The following TENM3 variants were observed in gnomAD, a reference collection of about 807,000 sequenced individuals.
The protein encoded by TENM3 is teneurin transmembrane protein 3.
Under a neutral mutation model 255.1 loss-of-function variants are expected in TENM3, and 63 were observed. The ratio of observed to expected loss-of-function variants is 0.25; its 90% confidence interval spans 0.20 to 0.30. The LOEUF is 0.30. TENM3 is among the 10% of genes least tolerant of loss of function. The probability of loss-of-function intolerance (pLI) is 1.00; values close to 1 mark genes in which losing one functional copy is unlikely to be tolerated. For synonymous variants in TENM3, 1,306 were observed against 1,322.3 expected (o/e 0.99, Z 0.27); for missense variants, 2,929 against 3,461.1 (o/e 0.85, Z 3.86).
intron 1 of TENM3, among the ~76,000 whole-genome samples, chr4:182,218,169 A>T (rs79444768): frequency 0.063 from 9,560 of 152,236 alleles, 403 homozygotes; most frequent in Non-Finnish European, 0.092. Context: ...CAGTCAAAAT[A>T]TACCTGACCC....
At chr4:181,886,048 G>GTTTTTT in the TENM3 span, among the ~76,000 whole-genome samples, 4 of 102,540 alleles carry the variant, frequency 3.9e-5, no homozygotes, top group African/African-American at 1.1e-4. Context: ...TTTTTCTTGG[G>GTTTTTT]TTTTTTTTTT....
chr4:182,314,325 C>A (rs1224765675), intron 1 of TENM3, among the ~76,000 whole-genome samples: 1 of 151,654 alleles, frequency 6.6e-6, no homozygotes, highest in Non-Finnish European at 1.5e-5. Context: ...AGGGCAGGGG[C>A]TACGTGTTGT....
chr4:182,074,351 A>C, the TENM3 span, among the ~76,000 whole-genome samples: 1 of 152,142 alleles, frequency 6.6e-6, no homozygotes. Context: ...GAGTGGCAAT[A>C]GATGAACTGT....
At chr4:181,601,262 T>C in the TENM3 span, among the ~76,000 whole-genome samples, 3 of 152,220 alleles carry the variant, frequency 2.0e-5, no homozygotes, top group African/African-American at 7.2e-5. Flanking sequence ...ACTCCATACC[T>C]CTCTTCTAGC....
the TENM3 span, among the ~76,000 whole-genome samples, chr4:181,817,507 G>A: frequency 1.3e-5 from 2 of 152,166 alleles, no homozygotes; most frequent in Non-Finnish European, 2.9e-5. Context: ...CACACCTAGA[G>A]ATGAAGACTC....
At chr4:181,887,473 T>G in the TENM3 span, among the ~76,000 whole-genome samples, 1 of 152,232 alleles carries the variant, frequency 6.6e-6, no homozygotes, top group East Asian at 1.9e-4. Context: ...GTTCTCTTTT[T>G]TTCCGTTTAG....
intron 3 of TENM3, among the ~76,000 whole-genome samples, chr4:182,368,234 C>T (rs1766560713): frequency 6.6e-6 from 1 of 152,172 alleles, no homozygotes. Flanking sequence ...CTCCTGAGAA[C>T]ACGAGCATCA....
intron 4 of TENM3, among the ~76,000 whole-genome samples, chr4:182,612,746 GACACAC>G (rs34378103): frequency 6.6e-6 from 1 of 150,742 alleles, no homozygotes; most frequent in African/African-American, 2.4e-5. Context: ...AATACACACA[GACACAC>G]ACACACACAC....
At chr4:181,825,228 C>T in the TENM3 span, among the ~76,000 whole-genome samples, 7 of 151,970 alleles carry the variant, frequency 4.6e-5, no homozygotes, top group African/African-American at 1.7e-4. Flanking sequence ...TGGTGAAACC[C>T]CATCTCTACT....
At chr4:182,075,594 C>G in the TENM3 span, among the ~76,000 whole-genome samples, 1 of 152,202 alleles carries the variant, frequency 6.6e-6, no homozygotes, top group African/African-American at 2.4e-5. Context: ...CTTCTGTCTT[C>G]TTCAAGAGAT....
the TENM3 span, among the ~76,000 whole-genome samples, chr4:181,721,505 C>A: frequency 3.0e-5 from 3 of 101,400 alleles, no homozygotes; most frequent in Non-Finnish European, 3.8e-5. Context: ...GAGGCTGAGG[C>A]AGGAGAATGG....
At chr4:182,341,606 A>G (rs1284785216) in intron 2 of TENM3, among the ~76,000 whole-genome samples, 11 of 152,190 alleles carry the variant, frequency 7.2e-5, no homozygotes, top group Non-Finnish European at 1.5e-4. Context: ...TCTGGCCAAC[A>G]TTTGGGTTAT....
At chr4:181,584,787 A>T in the TENM3 span, among the ~76,000 whole-genome samples, 3 of 152,170 alleles carry the variant, frequency 2.0e-5, no homozygotes, top group Non-Finnish European at 4.4e-5. Context: ...ATTAGTAACA[A>T]TAGCAACATG....
chr4:182,457,811 C>A (rs1168043603), intron 3 of TENM3, among the ~76,000 whole-genome samples: 1 of 152,206 alleles, frequency 6.6e-6, no homozygotes, highest in African/African-American at 2.4e-5. Flanking sequence ...AGTCCTCCTG[C>A]CTCGGCCTCC....
the TENM3 span, among the ~76,000 whole-genome samples, chr4:181,471,878 T>G: frequency 6.6e-6 from 1 of 152,154 alleles, no homozygotes; most frequent in East Asian, 1.9e-4. Flanking sequence ...TGTATTTTTA[T>G]GGACAGTCAT....
chr4:181,479,823 G>A, the TENM3 span, among the ~76,000 whole-genome samples: 2 of 152,074 alleles, frequency 1.3e-5, no homozygotes, highest in African/African-American at 4.8e-5. Flanking sequence ...GCTATCATGT[G>A]AGAATAATTA....
intron 24 of TENM3, among the ~76,000 whole-genome samples, chr4:182,784,509 TTGTC>T (rs1275892075): frequency 6.6e-6 from 1 of 151,586 alleles, no homozygotes; most frequent in African/African-American, 2.4e-5. Flanking sequence ...GTCTTTTTGT[TTGTC>T]TGTGCCCTGC....
chr4:182,680,173 G>C (rs1756031312), intron 8 of TENM3, 75 bp from the exon 9 acceptor site: 2 of 1,056,030 alleles, frequency 1.9e-6, no homozygotes, highest in Non-Finnish European at 2.9e-6. Context: ...CATAAATGAA[G>C]ATCAAAGTGA....
chr4:182,558,177 C>CT (rs778576974), intron 3 of TENM3, among the ~76,000 whole-genome samples: 6 of 152,324 alleles, frequency 3.9e-5, no homozygotes, highest in Non-Finnish European at 7.3e-5. Flanking sequence ...TAGCCCTGCC[C>CT]TGCCAGTGCG....
Sources: gnomAD v4.1 joint callset for allele counts (sites outside exome capture counted in the v4.1 genomes callset) on GRCh38, gnomAD v4.1.1 for gene constraint, MANE v1.5 for transcripts, NCBI Gene and HGNC (gene_info 2026-07-23, HGNC 2026-07-21) for gene names.